Variants in FREM1 observed in about 807,000 individuals in gnomAD.
FREM1 encodes FRAS1 related extracellular matrix 1, also known as FRAS1-related extracellular matrix protein 1.
Under a neutral mutation model 210.1 loss-of-function variants are expected in FREM1, and 220 were observed. The ratio of observed to expected loss-of-function variants is 1.05; its 90% CI spans 0.94 to 1.17. The LOEUF is 1.17. Among genes scored for constraint, FREM1 ranks in the 50% most tolerant of loss-of-function variants. The pLI, the probability that FREM1 is intolerant of heterozygous loss-of-function variation, is 0.00. For synonymous variants in FREM1, 1,189 were observed against 980.2 expected (o/e 1.21, Z -3.98); for missense variants, 3,454 against 2,675.5 (o/e 1.29, Z -6.42).
chr9:14,840,499 C>T (rs984552259), intron 10 of FREM1, among the ~76,000 whole-genome samples: 6 of 152,246 alleles, frequency 3.9e-5, no homozygotes, highest in African/African-American at 7.2e-5. Context: ...AGAGAGAGAG[C>T]GCGCAAGCTT....
rs143305114 is a variant in FREM1, at chr9:14,813,083, G to T, written c.2641-19C>A. On this transcript the variant is annotated intron_variant, in intron 15 of 36. Coordinates refer to ENST00000380880, the MANE Select transcript of FREM1 (RefSeq NM_001379081.2). ...GGAATACCTAGGCAATGGAAAAAAT[G>T]CATGTTTTCAGAAAAAGAAAGAAAT... 6.9e-6 allele frequency: 11 copies of T among 1,583,678 alleles called. No homozygotes were observed. The highest frequency in any genetic ancestry group is 1.7e-4 in the Middle Eastern group (1 of 5,890).
At chr9:14,805,938 T>C (rs1004528447) in intron 18 of FREM1, among the ~76,000 whole-genome samples, 1 of 152,212 alleles carries the variant, frequency 6.6e-6, no homozygotes, top group African/African-American at 2.4e-5. Context: ...TTCTCTCTGT[T>C]ACACCCATAG....
intron 20 of FREM1, among the ~76,000 whole-genome samples, chr9:14,801,202 T>G (rs555764921): frequency 1.6e-4 from 25 of 152,184 alleles, no homozygotes; most frequent in Non-Finnish European, 3.2e-4. Context: ...TTCACCATGT[T>G]GGCCAGGCTG....
At position 14,761,661 on chromosome 9, in the gene FREM1, C is replaced by T. The variant is rs140338620; in HGVS notation, c.5205-1760G>A. On this transcript the variant is annotated intron_variant, in intron 27 of 36. Coordinates refer to ENST00000380880, the MANE Select transcript of FREM1 (RefSeq NM_001379081.2). ...AAACAAATAATTCATAACTTTTAAA[C>T]ATCATGCTGTTCTGAGTAGTGTGAT... Among the ~76,000 whole-genome samples the T allele has an allele frequency of 3.2e-3, 480 of 152,306 alleles. 1 individual carries two copies. Among genetic ancestry groups the T allele is most frequent in the Middle Eastern group, 6.8e-3 (2 of 294 alleles).
Position 14,806,782 on chromosome 9 carries a change from A to G in FREM1, c.3153T>C (p.Thr1051=). The change falls in exon 18 of 37, where the codon ACT becomes ACC. Residue 1051 remains threonine, a synonymous_variant. Coordinates refer to ENST00000380880, the MANE Select transcript of FREM1 (RefSeq NM_001379081.2). ...AGTCATCTGCTGCAGTGTCAGGGTC[A>G]GTGGCGGACAAATGGTTAACAGTAA... ...TALTVNHLSA[T]DPDTAADDLE... The G allele has an allele frequency of 5.0e-6, 8 of 1,607,732 alleles. No homozygotes were observed. Among genetic ancestry groups the G allele is most frequent in the African/African-American group, 1.3e-5 (1 of 74,972 alleles).
chr9:14,767,581 T>C (rs1846666376), intron 27 of FREM1, among the ~76,000 whole-genome samples: 2 of 152,188 alleles, frequency 1.3e-5, no homozygotes, highest in Non-Finnish European at 2.9e-5. Context: ...ACACCAATTA[T>C]ATTGCAAATG....
chr9:14,740,507 A>G (rs1372409325), intron 35 of FREM1, among the ~76,000 whole-genome samples: 5 of 152,206 alleles, frequency 3.3e-5, no homozygotes, highest in Admixed American at 3.3e-4. Flanking sequence ...GGTTTCAAAC[A>G]TCTTTTTGGA....
intron 8 of FREM1, 131 bp from the exon 9 acceptor site, chr9:14,842,791 TAC>T (rs1181093140): frequency 1.1e-5 from 7 of 639,836 alleles, no homozygotes; most frequent in Non-Finnish European, 1.4e-5. Context: ...CTGGAAAAAC[TAC>T]AGATTGTTAG....
chr9:14,853,101 C>T (rs1192598919), intron 5 of FREM1, among the ~76,000 whole-genome samples: 2 of 152,172 alleles, frequency 1.3e-5, no homozygotes, highest in Non-Finnish European at 2.9e-5. Context: ...GCAGGAAGAG[C>T]AGAGCAATGC....
intron 23 of FREM1, among the ~76,000 whole-genome samples, chr9:14,786,148 A>T (rs376497567): frequency 2.0e-5 from 3 of 152,226 alleles, no homozygotes; most frequent in African/African-American, 7.2e-5. Flanking sequence ...GTCATATCAT[A>T]TGCCCAAATT....
chr9:14,831,099 T>A (rs527250278), intron 10 of FREM1, among the ~76,000 whole-genome samples: 1 of 152,178 alleles, frequency 6.6e-6, no homozygotes, highest in South Asian at 2.1e-4. Flanking sequence ...TTCTTTTCAC[T>A]GGTGACCTTG....
intron 24 of FREM1, among the ~76,000 whole-genome samples, chr9:14,782,904 C>G (rs1261037405): frequency 1.3e-5 from 2 of 152,294 alleles, no homozygotes; most frequent in South Asian, 4.1e-4. Context: ...TGATGATTGT[C>G]ACAGAGTTGT....
chr9:14,888,076 G>A (rs1177268820), intron 1 of FREM1, among the ~76,000 whole-genome samples: 3 of 152,152 alleles, frequency 2.0e-5, no homozygotes, highest in Admixed American at 1.3e-4. Context: ...GGGATTACAG[G>A]TGTGAGCCAC....
intron 3 of FREM1, among the ~76,000 whole-genome samples, chr9:14,860,142 G>T (rs903620614): frequency 6.6e-6 from 1 of 152,000 alleles, no homozygotes; most frequent in East Asian, 1.9e-4. Flanking sequence ...TATGGCCCAG[G>T]CATTATGCTA....
chr9:14,782,944 C>A (rs2132824532), intron 24 of FREM1, among the ~76,000 whole-genome samples: 1 of 152,328 alleles, frequency 6.6e-6, no homozygotes, highest in Admixed American at 6.5e-5. Context: ...TGCCCCCAAG[C>A]CTGTATCTTA....
At chr9:14,792,567 T>A (rs1264352091) in intron 22 of FREM1, among the ~76,000 whole-genome samples, 176 bp downstream of exon 22, 1 of 152,170 alleles carries the variant, frequency 6.6e-6, no homozygotes, top group East Asian at 1.9e-4. Flanking sequence ...ATTTACCCCA[T>A]GTTGACAAAG....
chr9:14,754,605 T>G (rs1367762677), intron 29 of FREM1, among the ~76,000 whole-genome samples: 1 of 152,046 alleles, frequency 6.6e-6, no homozygotes, highest in African/African-American at 2.4e-5. Context: ...TGGAATAAGG[T>G]GGGCTCCTCA....
At position 14,789,006 on chromosome 9, in the gene FREM1, G is replaced by T. The variant is rs776907467; in HGVS notation, c.4090C>A (p.Gln1364Lys). The T allele has an allele frequency of 1.9e-6, 3 of 1,612,552 alleles. No homozygotes were observed. In the East Asian group the frequency reaches 6.7e-5, roughly 36 times the overall value. ...CAAAGGTAGAAGGTGAAGCTATCTTGATTCTGGGAATCCATTGCCCCGGTG... is the reference window on the plus strand; with the variant it reads ...CAAAGGTAGAAGGTGAAGCTATCTTTATTCTGGGAATCCATTGCCCCGGTG... ...THTGAMDSQNQDSFTFYLWDG... is the reference protein window; with the variant it reads ...THTGAMDSQNKDSFTFYLWDG... Residue 1364 changes from glutamine (Q) to lysine (K), a missense_variant, in exon 23 of 37, where the codon CAA (glutamine) becomes AAA (lysine). Transcript: ENST00000380880.
At chr9:14,770,084 TA>T (rs1243435644) in intron 26 of FREM1, among the ~76,000 whole-genome samples, 4 of 151,942 alleles carry the variant, frequency 2.6e-5, no homozygotes, top group African/African-American at 9.7e-5. Context: ...ATATTTGCCT[TA>T]AAAAAATGAA....
Sources: allele counts gnomAD v4.1 joint callset (sites outside exome capture counted in the v4.1 genomes callset), GRCh38; gene constraint gnomAD v4.1.1; transcripts MANE v1.5; gene names NCBI Gene and HGNC (gene_info 2026-07-23, HGNC 2026-07-21).